EFR3A: variants seen among roughly 807,000 people sequenced by gnomAD.
EFR3A encodes the protein protein EFR3 homolog A.
EFR3A carries 76 observed loss-of-function variants against 104.4 expected under a neutral mutation model. The ratio of observed to expected loss-of-function variants is 0.73; its 90% CI spans 0.60 to 0.88. The LOEUF is 0.88. Among genes scored for constraint, EFR3A ranks in the 40% least tolerant of loss-of-function variants. The pLI is 0.00. For missense variants in EFR3A, 985 were observed against 1,012.5 expected, an observed-to-expected ratio of 0.97 and a Z score of 0.37; for synonymous variants, 330 against 330.0, an observed-to-expected ratio of 1.00 and a Z score of 0.00.
Position 131,968,342 on chromosome 8 carries a change from T to C in EFR3A, c.903T>C (p.Asp301=). 6.2e-7 allele frequency: 1 copy of C among 1,613,594 alleles called. No homozygotes were observed. The highest frequency in any genetic ancestry group is 1.1e-5 in the South Asian group (1 of 91,054). The change falls in exon 9 of 23, where the codon GAT becomes GAC. Residue 301 remains aspartate, a synonymous_variant. Transcript: ENST00000254624. ...TCCAGGAGATTCTAGGACACCTTGA[T>C]GCTCGTAAAAAAGATGCTCCCCGGG... The part of the protein sequence containing the change: ...HVIQEILGHL[D]ARKKDAPRVR...
rs896667001 is a variant in EFR3A at position 131,904,316 on chromosome 8, C to T, written c.4C>T (p.Pro2Ser). 3.2e-6 allele frequency: 4 copies of T among 1,259,812 alleles called. No individual in the cohort carries two copies. The African/African-American group carries it at 6.2e-5, about 20-fold the overall frequency. The allele number at this position is 1,259,812 out of a possible 1,614,324, so 78.0% of individuals were successfully genotyped here. A position where few individuals can be genotyped will look rare whatever the true frequency, so the allele number is the denominator to read the frequency against. Residue 2 changes from proline to serine, a missense_variant, in exon 1 of 23, where the codon CCT becomes TCT. Coordinates refer to ENST00000254624, the MANE Select transcript of EFR3A (RefSeq NM_015137.6). ...GGCGAGCGCGGTCGAGATCGCCATG[C>T]CTACCCGTGAGTGGCCGGCCGAGGG... is the stretch of plus-strand genomic sequence containing the variant. M[P>S]TRVCCCCSAL...
chr8:131,919,609 A>G (rs893729765), intron 1 of EFR3A, among the ~76,000 whole-genome samples: 1 of 151,740 alleles, frequency 6.6e-6, no homozygotes, highest in African/African-American at 2.4e-5. Context: ...AAAAAAAAAA[A>G]AAAAAAAAAT....
chr8:131,976,264 GC>G, intron 11 of EFR3A, 123 bp downstream of exon 11: 1 of 676,644 alleles, frequency 1.5e-6, no homozygotes, highest in Non-Finnish European at 2.6e-6. Flanking sequence ...CCTATGGAAA[GC>G]AGTTAGTATT....
intron 19 of EFR3A, among the ~76,000 whole-genome samples, chr8:132,000,225 T>G (rs980984718): frequency 2.0e-5 from 3 of 152,086 alleles, no homozygotes; most frequent in Non-Finnish European, 4.4e-5. Context: ...GCCTCCCGGG[T>G]TCACGCCATT....
At chr8:131,912,664 G>T (rs1816562629) in intron 1 of EFR3A, among the ~76,000 whole-genome samples, 1 of 152,158 alleles carries the variant, frequency 6.6e-6, no homozygotes, top group African/African-American at 2.4e-5. Flanking sequence ...AATCAGAGAA[G>T]AAGATTCTTA....
At chr8:132,003,082 A>G (rs1336147707) in intron 21 of EFR3A, among the ~76,000 whole-genome samples, 154 bp from the exon 22 acceptor site, 1 of 152,212 alleles carries the variant, frequency 6.6e-6, no homozygotes, top group Non-Finnish European at 1.5e-5. Context: ...CTAATAGATA[A>G]GACAGATCAA....
chr8:131,935,207 G>A (rs993154419), intron 1 of EFR3A, among the ~76,000 whole-genome samples: 3 of 152,110 alleles, frequency 2.0e-5, no homozygotes, highest in African/African-American at 7.2e-5. Flanking sequence ...AGTGTTTTAT[G>A]GTGGACAGTG....
intron 6 of EFR3A, among the ~76,000 whole-genome samples, chr8:131,955,173 T>C (rs1199322762): frequency 6.6e-6 from 1 of 152,002 alleles, no homozygotes; most frequent in Non-Finnish European, 1.5e-5. Context: ...GAAACAAAGC[T>C]CATTGGTTAT....
At chr8:132,003,842 G>T (rs1427999948) in intron 22 of EFR3A, among the ~76,000 whole-genome samples, 1 of 152,156 alleles carries the variant, frequency 6.6e-6, no homozygotes, top group Non-Finnish European at 1.5e-5. Flanking sequence ...GGAAGGAGAG[G>T]CAAACTCTAG....
Position 132,013,574 on chromosome 8 carries a change from ATAT to A in EFR3A, c.*2680_*2682del, listed in dbSNP as rs1314819130. The A allele has an allele frequency of 6.6e-6, 1 of 152,616 alleles. No individual in the cohort carries two copies. Among genetic ancestry groups the A allele is most frequent in the African/African-American group, 2.4e-5 (1 of 41,452 alleles). 9.5% of individuals were successfully genotyped at this position (152,616 alleles called of 1,614,324 possible). On this transcript the variant is annotated 3_prime_UTR_variant, in exon 23 of 23. Coordinates refer to ENST00000254624, the MANE Select transcript of EFR3A (RefSeq NM_015137.6). ...CAGCAATAAAACATAGATTATTTGT[ATAT>A]AAGTTCATTTTTATAGCTATTGTTA...
chr8:131,942,319 T>C (rs570460100), intron 2 of EFR3A, among the ~76,000 whole-genome samples: 1 of 152,258 alleles, frequency 6.6e-6, no homozygotes, highest in Admixed American at 6.6e-5. Flanking sequence ...GTTTCTTATT[T>C]TTAACTTGTT....
At chr8:131,979,476 T>A in intron 14 of EFR3A, 55 bp downstream of exon 14, 1 of 1,270,438 alleles carries the variant, frequency 7.9e-7, no homozygotes. Flanking sequence ...CCGTTTGAAT[T>A]GTTAGGTGGT....
intron 19 of EFR3A, 31 bp downstream of exon 19, chr8:131,996,528 T>C: frequency 6.9e-7 from 1 of 1,459,818 alleles, no homozygotes; most frequent in Non-Finnish European, 9.4e-7. Flanking sequence ...GGTAGAGTAC[T>C]GTCTTGGTAG....
chr8:131,945,323 C>T (rs913012418), intron 3 of EFR3A, among the ~76,000 whole-genome samples: 1 of 151,598 alleles, frequency 6.6e-6, no homozygotes, highest in Admixed American at 6.6e-5. Flanking sequence ...ATATCAAGGC[C>T]CAGGAAATTC....
chr8:131,968,149 T>C, intron 8 of EFR3A, 146 bp from the exon 9 acceptor site: 1 of 636,762 alleles, frequency 1.6e-6, no homozygotes, highest in Non-Finnish European at 2.5e-6. Context: ...AAAGAATGGC[T>C]TTGTATTGTG....
intron 1 of EFR3A, among the ~76,000 whole-genome samples, chr8:131,935,296 A>C (rs1817818120): frequency 6.6e-6 from 1 of 152,140 alleles, no homozygotes; most frequent in African/African-American, 2.4e-5. Flanking sequence ...ATTTAGGAAA[A>C]AGCATTTTTA....
intron 1 of EFR3A, among the ~76,000 whole-genome samples, chr8:131,910,350 C>T (rs1470676468): frequency 6.6e-6 from 1 of 152,170 alleles, no homozygotes; most frequent in African/African-American, 2.4e-5. Context: ...CGGCTCACTG[C>T]AACCTCCACC....
At chr8:131,986,286 G>A (rs751148725) in intron 17 of EFR3A, 25 bp downstream of exon 17, 1 of 1,297,142 alleles carries the variant, frequency 7.7e-7, no homozygotes, top group Admixed American at 1.9e-5. Context: ...TACATTTTAA[G>A]GATGGGGTAC....
rs1816116537 is a variant in EFR3A, at chr8:131,904,158, C to A, written c.-155C>A. The A allele has an allele frequency of 3.3e-6, 3 of 897,456 alleles. No homozygotes were observed. Among genetic ancestry groups the A allele is most frequent in the Middle Eastern group, 7.9e-4 (2 of 2,546 alleles). 55.6% of individuals were successfully genotyped at this position (897,456 alleles called of 1,614,324 possible). On this transcript the variant is annotated 5_prime_UTR_variant, in exon 1 of 23. Coordinates refer to ENST00000254624, the MANE Select transcript of EFR3A (RefSeq NM_015137.6). ...AGCTGTCGCCCGCTTGGTTGCGTGA[C>A]CGCGGGGTCCGCGTCCGCTCCCTCC...
Sources: allele counts gnomAD v4.1 joint callset (sites outside exome capture counted in the v4.1 genomes callset), GRCh38; gene constraint gnomAD v4.1.1; transcripts MANE v1.5; gene names NCBI Gene and HGNC (gene_info 2026-07-23, HGNC 2026-07-21).